The following KHDRBS3 variants were observed in gnomAD, a reference collection of about 807,000 sequenced individuals.
KHDRBS3 encodes KH RNA binding domain containing, signal transduction associated 3, also known as KH domain-containing, RNA-binding, signal transduction-associated protein 3.
KHDRBS3 carries 23 observed loss-of-function variants against 45.6 expected under a neutral mutation model. The observed-to-expected ratio is 0.50, with a 90% CI of 0.36 to 0.72. The LOEUF is 0.72. KHDRBS3 is among the 30% of genes least tolerant of loss of function. KHDRBS3 has a pLI of 0.00. For synonymous variants in KHDRBS3, 162 were observed against 156.5 expected, an observed-to-expected ratio of 1.04 and a Z score of -0.26; for missense variants, 352 against 424.8, an observed-to-expected ratio of 0.83 and a Z score of 1.51.
intron 7 of KHDRBS3, among the ~76,000 whole-genome samples, chr8:135,633,124 A>G (rs1830673186): frequency 6.6e-6 from 1 of 152,202 alleles, no homozygotes; most frequent in Non-Finnish European, 1.5e-5. Context: ...TGTCTTTCCC[A>G]TTAAAGACAG....
intron 2 of KHDRBS3, among the ~76,000 whole-genome samples, chr8:135,530,495 A>T (rs993664894): frequency 2.0e-5 from 3 of 152,228 alleles, no homozygotes; most frequent in African/African-American, 7.2e-5. Context: ...CAGACTGATA[A>T]TCATGGTTAC....
intron 1 of KHDRBS3, among the ~76,000 whole-genome samples, chr8:135,509,973 C>CTTTTTT (rs1326914089): frequency 7.1e-6 from 1 of 141,514 alleles, no homozygotes; most frequent in African/African-American, 2.8e-5. Flanking sequence ...TTTCCCCCCC[C>CTTTTTT]CTTTTTTTTT....
At chr8:135,475,652 T>G (rs1252903818) in intron 1 of KHDRBS3, among the ~76,000 whole-genome samples, 1 of 151,986 alleles carries the variant, frequency 6.6e-6, no homozygotes, top group Non-Finnish European at 1.5e-5. Flanking sequence ...ACATCAGCGG[T>G]CCTAGAGACA....
At chr8:135,472,778 T>C (rs1230358324) in intron 1 of KHDRBS3, among the ~76,000 whole-genome samples, 2 of 152,182 alleles carry the variant, frequency 1.3e-5, no homozygotes, top group Admixed American at 1.3e-4. Flanking sequence ...TAGAATTACA[T>C]GTGGTCTTTC....
chr8:135,626,069 G>A (rs1830346047), intron 7 of KHDRBS3: 4 of 545,488 alleles, frequency 7.3e-6, no homozygotes, highest in East Asian at 2.8e-5. Flanking sequence ...AATGTTTGCT[G>A]AATAGATTGT....
At chr8:135,620,514 C>G (rs1459164094) in intron 7 of KHDRBS3, among the ~76,000 whole-genome samples, 1 of 152,144 alleles carries the variant, frequency 6.6e-6, no homozygotes, top group Non-Finnish European at 1.5e-5. Flanking sequence ...TTATACTTGA[C>G]TCAATAACCT....
chr8:135,458,599 T>C (rs1239344948), intron 1 of KHDRBS3: 5 of 322,048 alleles, frequency 1.6e-5, no homozygotes, highest in Non-Finnish European at 3.0e-5. Context: ...TCCCAGGGGA[T>C]GGGCAGCCCA....
intron 1 of KHDRBS3, among the ~76,000 whole-genome samples, chr8:135,477,825 G>A (rs542407152): frequency 5.3e-4 from 80 of 152,352 alleles, no homozygotes; most frequent in African/African-American, 1.8e-3. Context: ...CCGGATTGGC[G>A]TGATATGGCC....
chr8:135,586,342 G>C (rs1212740788), intron 6 of KHDRBS3, among the ~76,000 whole-genome samples: 1 of 151,546 alleles, frequency 6.6e-6, no homozygotes. Flanking sequence ...AAAAAAAACA[G>C]TGTTCCACTA....
chr8:135,634,928 A>G (rs762094363), intron 7 of KHDRBS3, among the ~76,000 whole-genome samples: 9 of 152,214 alleles, frequency 5.9e-5, no homozygotes, highest in Non-Finnish European at 1.2e-4. Flanking sequence ...TGCTGAAGCC[A>G]TGTGTCCTAG....
chr8:135,647,207 G>T lies in KHDRBS3; in HGVS notation c.*123G>T. ...AGAATGCTTAAAATCTGAATGGATG[G>T]AACTTAAAACTACTTTGTTGAAACA... On this transcript the variant is annotated 3_prime_UTR_variant, in exon 9 of 9. Transcript: ENST00000355849. The T allele has an allele frequency of 1.4e-4, 45 of 332,388 alleles. No individual in the cohort carries two copies. The highest frequency in any genetic ancestry group is 1.7e-4 in the Non-Finnish European group (32 of 184,514). The allele number at this position is 332,388 out of a possible 1,614,324, so 20.6% of individuals were successfully genotyped here.
chr8:135,530,392 G>A (rs935249214), intron 2 of KHDRBS3, among the ~76,000 whole-genome samples: 20 of 152,070 alleles, frequency 1.3e-4, no homozygotes, highest in Admixed American at 4.6e-4. Flanking sequence ...GAGGAAAATG[G>A]CAAAAATTCA....
chr8:135,543,202 G>A lies in KHDRBS3; in HGVS notation c.324+432G>A, dbSNP rs529129180. ...CTTTTTGTCTTTTATTTGATATTGT[G>A]TGCATTTTAGAATGTTATTAAAATT... On this transcript the variant is annotated intron_variant, in intron 3 of 8. Transcript: ENST00000355849. 3.3e-5 allele frequency among the ~76,000 whole-genome samples: 5 copies of A among 151,960 alleles called. No individual in the cohort carries two copies. The East Asian group carries it at 5.8e-4, about 18-fold the overall frequency.
At chr8:135,615,816 G>T (rs531266056) in intron 7 of KHDRBS3, among the ~76,000 whole-genome samples, 1 of 152,132 alleles carries the variant, frequency 6.6e-6, no homozygotes, top group Non-Finnish European at 1.5e-5. Context: ...AATGGCTGGG[G>T]TTTGGTGAAT....
intron 2 of KHDRBS3, among the ~76,000 whole-genome samples, chr8:135,536,977 A>G (rs1163328512): frequency 2.0e-5 from 1 of 49,792 alleles, no homozygotes; most frequent in Non-Finnish European, 3.6e-5. Context: ...AAAAAAAAAA[A>G]AAAAAAAAAA....
At chr8:135,597,827 A>G (rs942995764) in intron 6 of KHDRBS3, among the ~76,000 whole-genome samples, 14 of 152,092 alleles carry the variant, frequency 9.2e-5, no homozygotes, top group Non-Finnish European at 1.8e-4. Flanking sequence ...ATCTTTGTGG[A>G]ATTTCTGGTT....
intron 5 of KHDRBS3, among the ~76,000 whole-genome samples, chr8:135,559,987 A>C: frequency 6.6e-6 from 1 of 152,164 alleles, no homozygotes; most frequent in Non-Finnish European, 1.5e-5. Flanking sequence ...AGGCCAAGGC[A>C]AGAGGATTGT....
intron 3 of KHDRBS3, among the ~76,000 whole-genome samples, chr8:135,543,346 T>G (rs960829865): frequency 1.3e-5 from 2 of 152,206 alleles, no homozygotes; most frequent in African/African-American, 4.8e-5. Context: ...ATTGATCATT[T>G]TCTTAAATAT....
At chr8:135,579,189 A>G (rs1287197637) in intron 5 of KHDRBS3, among the ~76,000 whole-genome samples, 1 of 152,134 alleles carries the variant, frequency 6.6e-6, no homozygotes, top group Non-Finnish European at 1.5e-5. Context: ...AGTTTTATTT[A>G]CTTTTCTTGT....
Sources: gnomAD v4.1 joint callset for allele counts (sites outside exome capture counted in the v4.1 genomes callset) on GRCh38, gnomAD v4.1.1 for gene constraint, MANE v1.5 for transcripts, NCBI Gene and HGNC (gene_info 2026-07-23, HGNC 2026-07-21) for gene names.